The following TRIM37 variants were observed in gnomAD, a reference collection of about 807,000 sequenced individuals.
The protein encoded by TRIM37 is tripartite motif containing 37, also known as E3 ubiquitin-protein ligase TRIM37.
Under a neutral mutation model 129.8 loss-of-function variants are expected in TRIM37, and 80 were observed. The ratio of observed to expected loss-of-function variants is 0.62; its 90% CI spans 0.51 to 0.74. The LOEUF (loss-of-function observed/expected upper bound fraction) is 0.74, where lower values mean the gene tolerates loss of function less well. Among genes scored for constraint, TRIM37 ranks in the 30% least tolerant of loss-of-function variants. The pLI, the probability that TRIM37 is intolerant of heterozygous loss-of-function variation, is 0.00. For missense variants in TRIM37, 1,054 were observed against 1,176.5 expected (o/e 0.90, Z 1.52); for synonymous variants, 389 against 387.1 (o/e 1.00, Z -0.06).
chr17:58,998,071 T>C (rs915443667), downstream of TRIM37: 1 of 320,578 alleles, frequency 3.1e-6, no homozygotes, highest in Non-Finnish European at 4.5e-6. Context: ...GGATCGATGC[T>C]AGGCATCACT....
chr17:59,088,358 C>A lies in TRIM37; in HGVS notation c.214G>T (p.Val72Leu). The change falls in exon 4 of 24, where the codon GTA becomes TTA. Residue 72 changes from valine (V) to leucine (L), a missense_variant. By Grantham distance (32) the Val-to-Leu change is conservative. Around this residue, in one of 3 missense-constraint regions of TRIM37, gnomAD observed 752 missense variants for 870.8 expected, o/e 0.86. Coordinates refer to ENST00000262294, the MANE Select transcript of TRIM37 (RefSeq NM_015294.6). ...TGAAGAGTATCAAGCTGTTGTGTTA[C>A]TTCTTCTGCCCAACGACAATTTACT... Reference protein sequence around the residue: ...ELVNCRWAEEVTQQLDTLQLC... With the variant: ...ELVNCRWAEELTQQLDTLQLC... 1 of 1,613,894 alleles carries A rather than the reference C, an allele frequency of 6.2e-7. No homozygotes were observed. Among genetic ancestry groups the A allele is most frequent in the Non-Finnish European group, 8.5e-7 (1 of 1,179,862 alleles).
intron 17 of TRIM37, among the ~76,000 whole-genome samples, chr17:59,034,280 C>T (rs896938638): frequency 5.3e-5 from 8 of 151,970 alleles, no homozygotes; most frequent in Admixed American, 4.6e-4. Flanking sequence ...AAGGCACTTA[C>T]AGTAGAGAAA....
At chr17:59,024,170 C>T (rs537984081) in intron 19 of TRIM37, among the ~76,000 whole-genome samples, 2 of 148,558 alleles carry the variant, frequency 1.3e-5, no homozygotes, top group South Asian at 4.3e-4. Flanking sequence ...GCCGAGATCG[C>T]CCCATCGCAC....
rs1379929031 is a variant in TRIM37 at position 59,017,498 on chromosome 17, A to ACAGAAAAACTATTTAGTCT, written c.2258-75_2258-74insAGACTAAATAGTTTTTCTG. ...ACTCACTATTTAGTCTGTCAGAAAA[A>ACAGAAAAACTATTTAGTCT]GTTTTAATCTTACCTTGCATGGAAG... On this transcript the variant is annotated intron_variant, in intron 19 of 23. Coordinates refer to ENST00000262294, the MANE Select transcript of TRIM37 (RefSeq NM_015294.6). The ACAGAAAAACTATTTAGTCT allele has an allele frequency of 6.9e-6, 11 of 1,605,048 alleles. No homozygotes were observed. The Admixed American group carries it at 1.8e-4, about 27-fold the overall frequency.
chr17:59,005,283 ATGTG>A (rs1161606720), intron 22 of TRIM37, among the ~76,000 whole-genome samples: 4 of 151,932 alleles, frequency 2.6e-5, no homozygotes, highest in Non-Finnish European at 5.9e-5. Context: ...TATTCATTAC[ATGTG>A]TATCTTTTTT....
intron 18 of TRIM37, among the ~76,000 whole-genome samples, chr17:59,030,309 G>A (rs1002104751): frequency 2.0e-5 from 3 of 152,158 alleles, no homozygotes; most frequent in Admixed American, 2.0e-4. Context: ...GTTTCACCAT[G>A]TTGGCTAGGC....
intron 1 of TRIM37, 102 bp from the exon 2 acceptor site, chr17:59,104,496 A>G (rs763971284): frequency 5.8e-6 from 6 of 1,040,484 alleles, no homozygotes; most frequent in Non-Finnish European, 9.1e-6. Flanking sequence ...TTTTGGGCTG[A>G]TCTCTCAATT....
chr17:58,969,857 A>C, the TRIM37 span: 1 of 856,316 alleles, frequency 1.2e-6, no homozygotes, highest in African/African-American at 1.7e-5. Flanking sequence ...CTTGACTCAC[A>C]GTATTGGATT....
At chr17:59,008,158 GCCTCATCAGTTAGTCT>G (rs2034786267) in intron 22 of TRIM37, among the ~76,000 whole-genome samples, 1 of 152,168 alleles carries the variant, frequency 6.6e-6, no homozygotes, top group African/African-American at 2.4e-5. Flanking sequence ...CCTTCTCTCA[GCCTCATCAGTTAGTCT>G]CCTTCTCACA....
intron 8 of TRIM37, among the ~76,000 whole-genome samples, chr17:59,072,371 T>C (rs915191713): frequency 6.6e-6 from 1 of 152,194 alleles, no homozygotes; most frequent in Non-Finnish European, 1.5e-5. Flanking sequence ...ATGATATTCA[T>C]AAACCCACCT....
At chr17:58,967,415 C>T in the TRIM37 span, among the ~76,000 whole-genome samples, 2 of 151,062 alleles carry the variant, frequency 1.3e-5, no homozygotes, top group East Asian at 3.9e-4. Flanking sequence ...AATCTTAGTG[C>T]GATGAGGAAA....
intron 3 of TRIM37, among the ~76,000 whole-genome samples, chr17:59,090,771 G>A (rs1375314709): frequency 7.2e-5 from 11 of 151,794 alleles, no homozygotes; most frequent in Admixed American, 2.0e-4. Flanking sequence ...GACTATAGTC[G>A]CGCGCCACCA....
chr17:58,981,291 C>A, downstream of TRIM37: 1 of 391,458 alleles, frequency 2.6e-6, no homozygotes. Context: ...CCCTTCCCAC[C>A]ATCCTTCATG....
In TRIM37 at chr17:59,051,273, T is replaced by C. The variant is rs775239553; in HGVS notation, c.1255A>G (p.Ile419Val). Residue 419 changes from isoleucine to valine, a missense_variant, in exon 14 of 24, where the codon ATT (isoleucine) becomes GTT (valine). Transcript: ENST00000262294. ...FQKSRDQHWY[I>V]TQLEAAQTSY... ...GTCTGTGCAGCTTCCAACTGAGTAATGTACCAATGCTGGTCCCGGGATTTT... is the reference window on the plus strand; with the variant it reads ...GTCTGTGCAGCTTCCAACTGAGTAACGTACCAATGCTGGTCCCGGGATTTT... The C allele has an allele frequency of 4.3e-6, 7 of 1,613,910 alleles. No homozygotes were observed. The South Asian group carries it at 5.5e-5, about 13-fold the overall frequency.
At chr17:59,083,651 C>T (rs559929300) in intron 5 of TRIM37, among the ~76,000 whole-genome samples, 41 of 152,206 alleles carry the variant, frequency 2.7e-4, no homozygotes, top group African/African-American at 9.1e-4. Context: ...TGTCTAAGTT[C>T]GTGCTCCATT....
intron 18 of TRIM37, 113 bp downstream of exon 18, chr17:59,031,783 A>G (rs1421225288): frequency 2.8e-5 from 31 of 1,098,510 alleles, no homozygotes; most frequent in Non-Finnish European, 4.0e-5. Flanking sequence ...TATACAATGA[A>G]AAACACAGAA....
chr17:58,978,430 G>A (rs2031154140), downstream of TRIM37, among the ~76,000 whole-genome samples: 1 of 152,114 alleles, frequency 6.6e-6, no homozygotes, highest in Admixed American at 6.5e-5. Flanking sequence ...TGAATGAGAG[G>A]CCAGATGCGG....
the TRIM37 span, chr17:58,969,341 G>A: frequency 1.5e-6 from 1 of 688,464 alleles, no homozygotes; most frequent in Admixed American, 2.0e-5. Context: ...GTTCTGGTGT[G>A]TAAACACAGA....
downstream of TRIM37, among the ~76,000 whole-genome samples, chr17:58,994,943 T>A (rs1219771942): frequency 6.6e-6 from 1 of 152,070 alleles, no homozygotes; most frequent in African/African-American, 2.4e-5. Flanking sequence ...CAGATGGGGT[T>A]TCTCCATGTT....
Sources: allele counts gnomAD v4.1 joint callset (sites outside exome capture counted in the v4.1 genomes callset), GRCh38; gene constraint gnomAD v4.1.1; regional missense constraint gnomAD v4.1.1; transcripts MANE v1.5; gene names NCBI Gene and HGNC (gene_info 2026-07-23, HGNC 2026-07-21).